DCUN1D4: variants seen among roughly 807,000 people sequenced by gnomAD.
The protein encoded by DCUN1D4 is DCN1-like protein 4.
A neutral mutation model predicts 47.9 loss-of-function variants in DCUN1D4; 22 were observed. The ratio of observed to expected loss-of-function variants is 0.46; its 90% CI spans 0.33 to 0.66. DCUN1D4 has a LOEUF of 0.66. DCUN1D4 is among the 30% of genes least tolerant of loss of function. The pLI is 0.02. For synonymous variants in DCUN1D4, 121 were observed against 112.2 expected (o/e 1.08, Z -0.50); for missense variants, 301 against 340.8 (o/e 0.88, Z 0.92).
At chr4:51,857,542 G>C (rs1724326337) in intron 1 of DCUN1D4, among the ~76,000 whole-genome samples, 1 of 152,202 alleles carries the variant, frequency 6.6e-6, no homozygotes, top group Non-Finnish European at 1.5e-5. Context: ...AGTTGTTTCA[G>C]GGTCCTGGGA....
chr4:51,842,902 G>C (rs1721822488), upstream of DCUN1D4: 1 of 434,048 alleles, frequency 2.3e-6, no homozygotes, highest in African/African-American at 2.1e-5. Flanking sequence ...GGACCCCTGG[G>C]GGTGACTGAC....
intron 7 of DCUN1D4, among the ~76,000 whole-genome samples, chr4:51,892,162 T>C (rs1424224994): frequency 3.9e-5 from 6 of 152,268 alleles, no homozygotes; most frequent in Admixed American, 1.3e-4. Flanking sequence ...TAAGATTTTT[T>C]AATAGCTACA....
At chr4:51,908,527 A>T (rs1308641783) in intron 8 of DCUN1D4, among the ~76,000 whole-genome samples, 3 of 152,072 alleles carry the variant, frequency 2.0e-5, no homozygotes, top group African/African-American at 7.2e-5. Context: ...TTGTGTTGAC[A>T]GCGTATAATT....
chr4:51,839,218 GGAAA>G (rs1234273608), upstream of DCUN1D4, among the ~76,000 whole-genome samples: 146 of 145,666 alleles, frequency 1.0e-3, no homozygotes, highest in Admixed American at 2.8e-4. Flanking sequence ...AAGGAGGGAA[GGAAA>G]GAAAGAAAGA....
chr4:51,875,596 A>G (rs1727550922), intron 4 of DCUN1D4, among the ~76,000 whole-genome samples: 1 of 152,176 alleles, frequency 6.6e-6, no homozygotes, highest in Non-Finnish European at 1.5e-5. Context: ...CACCATCACT[A>G]CAAACCAGTT....
chr4:51,900,425 A>G (rs1269014380), intron 8 of DCUN1D4, among the ~76,000 whole-genome samples: 1 of 152,206 alleles, frequency 6.6e-6, no homozygotes, highest in Non-Finnish European at 1.5e-5. Flanking sequence ...TGGCATTTGC[A>G]TAATAATATA....
intron 8 of DCUN1D4, among the ~76,000 whole-genome samples, chr4:51,901,691 G>A (rs1429328420): frequency 6.6e-6 from 1 of 152,116 alleles, no homozygotes; most frequent in Non-Finnish European, 1.5e-5. Context: ...ACATACCCCT[G>A]GTGTCTCCTC....
At chr4:51,862,117 G>A (rs1271235351) in intron 1 of DCUN1D4, among the ~76,000 whole-genome samples, 3 of 152,206 alleles carry the variant, frequency 2.0e-5, no homozygotes, top group African/African-American at 7.2e-5. Flanking sequence ...TAGAGCTTGA[G>A]GCCCTGCTCT....
chr4:51,905,761 C>A (rs1224823347), intron 8 of DCUN1D4, among the ~76,000 whole-genome samples: 9 of 152,064 alleles, frequency 5.9e-5, no homozygotes, highest in Admixed American at 2.6e-4. Context: ...AGGGTGTGCG[C>A]TGATCAGCAG....
intron 4 of DCUN1D4, 135 bp from the exon 5 acceptor site, chr4:51,877,628 G>C (rs1727901772): frequency 3.4e-6 from 2 of 587,868 alleles, no homozygotes; most frequent in East Asian, 5.7e-5. Context: ...GCAAATGCAG[G>C]AAATAAAACG....
intron 8 of DCUN1D4, among the ~76,000 whole-genome samples, chr4:51,906,487 A>G (rs537181741): frequency 6.6e-6 from 1 of 152,280 alleles, no homozygotes; most frequent in East Asian, 1.9e-4. Context: ...TCAGCCTTTC[A>G]TTTGTTAGTT....
intron 1 of DCUN1D4, chr4:51,844,769 C>T: frequency 8.4e-6 from 8 of 950,036 alleles, no homozygotes; most frequent in Non-Finnish European, 8.8e-6. Context: ...GGCGGTCCCG[C>T]CGAATTCTGG....
chr4:51,874,292 C>T lies in DCUN1D4; in HGVS notation c.158C>T (p.Ser53Phe). The T allele has an allele frequency of 6.2e-7, 1 of 1,612,604 alleles. No homozygotes were observed. The highest frequency in any genetic ancestry group is 1.1e-5 in the South Asian group (1 of 90,796). ...HQTGSLRSCS[S>F]SDCFNKVMPP... Reference sequence around the variant, plus strand: ...GTAGGAAGTCTGCGGTCTTGCAGTTCTTCAGACTGCTTTAATAAAGTGATG... The same window carrying T: ...GTAGGAAGTCTGCGGTCTTGCAGTTTTTCAGACTGCTTTAATAAAGTGATG... Residue 53 changes from serine (S) to phenylalanine (F), a missense_variant, in exon 4 of 11, where the codon TCT becomes TTT. Coordinates refer to ENST00000334635, the MANE Select transcript of DCUN1D4 (RefSeq NM_001040402.3).
chr4:51,902,498 CTCTT>C (rs1241455846), intron 8 of DCUN1D4, among the ~76,000 whole-genome samples: 1 of 152,178 alleles, frequency 6.6e-6, no homozygotes, highest in Non-Finnish European at 1.5e-5. Context: ...TGTAATGTCT[CTCTT>C]TATCTCTAGT....
intron 7 of DCUN1D4, among the ~76,000 whole-genome samples, chr4:51,893,668 C>T (rs1015246862): frequency 6.6e-5 from 10 of 152,154 alleles, no homozygotes; most frequent in South Asian, 2.1e-4. Flanking sequence ...GTGATCTGCC[C>T]GCCTCAGCCT....
chr4:51,884,360 C>T (rs1009789261), intron 5 of DCUN1D4: 1 of 152,156 alleles, frequency 6.6e-6, no homozygotes, highest in Non-Finnish European at 1.5e-5. Flanking sequence ...TGAGGTTACT[C>T]CTGTACTTTG....
At chr4:51,846,762 G>A (rs1722614528) in intron 1 of DCUN1D4, among the ~76,000 whole-genome samples, 1 of 152,120 alleles carries the variant, frequency 6.6e-6, no homozygotes, top group Non-Finnish European at 1.5e-5. Context: ...AGAAGTAGTT[G>A]GTTCTAAAGC....
intron 1 of DCUN1D4, among the ~76,000 whole-genome samples, chr4:51,851,748 GC>G (rs1723408830): frequency 6.6e-6 from 1 of 152,212 alleles, no homozygotes; most frequent in Admixed American, 6.5e-5. Flanking sequence ...CAACTGCTTT[GC>G]CTGCATTAAC....
At chr4:51,868,654 A>T (rs1477383238) in intron 3 of DCUN1D4, among the ~76,000 whole-genome samples, 1 of 152,230 alleles carries the variant, frequency 6.6e-6, no homozygotes, top group South Asian at 2.1e-4. Flanking sequence ...GGGCAATGCT[A>T]CTGTGTGTGG....
Sources: gnomAD v4.1 joint callset for allele counts (sites outside exome capture counted in the v4.1 genomes callset) on GRCh38, gnomAD v4.1.1 for gene constraint, MANE v1.5 for transcripts, NCBI Gene and HGNC (gene_info 2026-07-23, HGNC 2026-07-21) for gene names.